ALDH9A1: variants seen among roughly 807,000 people sequenced by gnomAD.
ALDH9A1 encodes 4-trimethylaminobutyraldehyde dehydrogenase.
A neutral mutation model predicts 56.6 loss-of-function variants in ALDH9A1; 42 were observed. The ratio of observed to expected loss-of-function variants is 0.74; its 90% CI spans 0.58 to 0.96. The LOEUF is 0.96. Among genes scored for constraint, ALDH9A1 ranks in the 40% least tolerant of loss-of-function variants. ALDH9A1 has a pLI of 0.00. For synonymous variants in ALDH9A1, 242 were observed against 236.0 expected, an observed-to-expected ratio of 1.03 and a Z score of -0.23; for missense variants, 661 against 651.5, an observed-to-expected ratio of 1.01 and a Z score of -0.16.
chr1:165,665,829 C>T (rs907174813), intron 9 of ALDH9A1, among the ~76,000 whole-genome samples: 3 of 151,960 alleles, frequency 2.0e-5, no homozygotes, highest in Admixed American at 6.6e-5. Flanking sequence ...AATGGTGCTG[C>T]GAATTTGGAA....
intron 6 of ALDH9A1, among the ~76,000 whole-genome samples, chr1:165,672,996 C>T (rs1420563009): frequency 6.7e-6 from 1 of 150,016 alleles, no homozygotes; most frequent in East Asian, 1.9e-4. Context: ...CACACACACA[C>T]ACACACACAC....
At chr1:165,663,380 T>C (rs1431434853) in intron 10 of ALDH9A1, among the ~76,000 whole-genome samples, 1 of 152,200 alleles carries the variant, frequency 6.6e-6, no homozygotes, top group Non-Finnish European at 1.5e-5. Flanking sequence ...TTCTCACCAA[T>C]AGGAATCTTA....
chr1:165,695,126 G>T, intron 2 of ALDH9A1, 126 bp downstream of exon 2: 2 of 1,101,440 alleles, frequency 1.8e-6, no homozygotes, highest in Non-Finnish European at 2.5e-6. Context: ...AGGTGAGCAT[G>T]TGGAAATGTT....
At chr1:165,689,757 A>C (rs12036561) in intron 2 of ALDH9A1, among the ~76,000 whole-genome samples, 4 of 151,634 alleles carry the variant, frequency 2.6e-5, no homozygotes, top group Non-Finnish European at 5.9e-5. Flanking sequence ...AACATGGGGA[A>C]ACTCTGTCTC....
intron 2 of ALDH9A1, among the ~76,000 whole-genome samples, chr1:165,684,412 C>G (rs948270561): frequency 6.6e-6 from 1 of 152,188 alleles, no homozygotes; most frequent in Non-Finnish European, 1.5e-5. Flanking sequence ...CTTCTCCCTT[C>G]CTGACTCTAC....
In ALDH9A1 at chr1:165,680,470, A is replaced by G; in HGVS notation, c.789+17T>C. 1 of 1,612,874 alleles carries G rather than the reference A, an allele frequency of 6.2e-7. No individual in the cohort carries two copies. The highest frequency in any genetic ancestry group is 8.5e-7 in the Non-Finnish European group (1 of 1,179,682). ...CCAAATGCCATGTGTGTTGACCAAT[A>G]CTGGTTTTGTCCTCACCTTCATGCC... On this transcript the variant is annotated intron_variant, in intron 5 of 10. Transcript: ENST00000354775.
intron 6 of ALDH9A1, 31 bp from the exon 7 acceptor site, chr1:165,669,481 A>G: frequency 6.4e-7 from 1 of 1,569,190 alleles, no homozygotes; most frequent in East Asian, 2.3e-5. Flanking sequence ...ATCAATTTCT[A>G]TGTGTGTAAG....
At chr1:165,681,977 G>T in intron 4 of ALDH9A1, 130 bp downstream of exon 4, 2 of 1,270,138 alleles carry the variant, frequency 1.6e-6, no homozygotes, top group Non-Finnish European at 2.2e-6. Context: ...CTGAGGCTTT[G>T]AATATCCCAG....
At chr1:165,669,508 G>A (rs1017799207) in intron 6 of ALDH9A1, 58 bp from the exon 7 acceptor site, 41 of 1,410,312 alleles carry the variant, frequency 2.9e-5, no homozygotes, top group Middle Eastern at 2.4e-4. Flanking sequence ...AAAGGGAAAA[G>A]GAAAAATGAA....
intron 3 of ALDH9A1, 97 bp downstream of exon 3, chr1:165,682,884 C>T (rs1051913698): frequency 1.4e-6 from 2 of 1,387,976 alleles, no homozygotes; most frequent in Admixed American, 2.4e-5. Flanking sequence ...GACTTTCACC[C>T]AGGTTTGTCT....
intron 6 of ALDH9A1, 58 bp downstream of exon 6, chr1:165,679,384 A>G (rs1204787718): frequency 6.3e-7 from 1 of 1,579,760 alleles, no homozygotes; most frequent in Non-Finnish European, 8.6e-7. Context: ...TTTAAAACAC[A>G]CTGTTGGATG....
intron 4 of ALDH9A1, among the ~76,000 whole-genome samples, 191 bp downstream of exon 4, chr1:165,681,916 T>A (rs2882006): frequency 0.67 from 102,581 of 152,010 alleles, 35,017 homozygotes; most frequent in East Asian, 0.98. Context: ...TGTACAACCT[T>A]AACTATAAGC....
intron 2 of ALDH9A1, among the ~76,000 whole-genome samples, chr1:165,688,380 C>T (rs1232216592): frequency 6.6e-6 from 1 of 152,156 alleles, no homozygotes; most frequent in African/African-American, 2.4e-5. Context: ...GAGAAAATGA[C>T]AGCAGACAGA....
chr1:165,696,891 G>T (rs1364875629), intron 1 of ALDH9A1, among the ~76,000 whole-genome samples: 1 of 152,216 alleles, frequency 6.6e-6, no homozygotes, highest in Non-Finnish European at 1.5e-5. Flanking sequence ...TCAGGATTAA[G>T]TCGGGGTAGA....
intron 1 of ALDH9A1, among the ~76,000 whole-genome samples, chr1:165,695,692 T>C: frequency 6.6e-6 from 1 of 151,868 alleles, no homozygotes; most frequent in South Asian, 2.1e-4. Context: ...GAGACCGGGT[T>C]TCACCATGTT....
At chr1:165,680,026 T>A (rs1163903965) in intron 5 of ALDH9A1, among the ~76,000 whole-genome samples, 4 of 151,880 alleles carry the variant, frequency 2.6e-5, no homozygotes, top group Non-Finnish European at 5.9e-5. Context: ...AAAATAAAAA[T>A]AAAAAATATT....
intron 9 of ALDH9A1, among the ~76,000 whole-genome samples, chr1:165,666,693 C>T (rs1473265075): frequency 6.6e-6 from 1 of 152,066 alleles, no homozygotes; most frequent in East Asian, 1.9e-4. Flanking sequence ...CAGCATAATC[C>T]CAAGTGTAAA....
chr1:165,684,658 G>A (rs1487334420), intron 2 of ALDH9A1, among the ~76,000 whole-genome samples: 1 of 152,156 alleles, frequency 6.6e-6, no homozygotes, highest in South Asian at 2.1e-4. Context: ...AGAGAGGCTA[G>A]TGCATTAATC....
chr1:165,669,351 G>A lies in ALDH9A1; in HGVS notation c.1030C>T (p.Pro344Ser), dbSNP rs1558002938. Residue 344 changes from proline to serine, a missense_variant, in exon 7 of 11, where the codon CCC (proline) becomes TCC (serine). By Grantham distance (74) the Pro-to-Ser change is moderately conservative. Transcript: ENST00000354775. ...CCCATCCTTGTATCTTCCAGAAGGG[G>A]ATCTCCAATTTTAATCCTTTGGGTC... is the stretch of plus-strand genomic sequence containing the variant. ...KQTQRIKIGDPLLEDTRMGPL... is the reference protein window; with the variant it reads ...KQTQRIKIGDSLLEDTRMGPL... 1.9e-6 allele frequency: 3 copies of A among 1,613,992 alleles called. No homozygotes were observed. Among genetic ancestry groups the A allele is most frequent in the Non-Finnish European group, 2.5e-6 (3 of 1,179,936 alleles).
Sources: allele counts gnomAD v4.1 joint callset (sites outside exome capture counted in the v4.1 genomes callset), GRCh38; gene constraint gnomAD v4.1.1; transcripts MANE v1.5; gene names NCBI Gene and HGNC (gene_info 2026-07-23, HGNC 2026-07-21).